Variants in DLG2 observed in about 807,000 individuals in gnomAD.
DLG2 encodes the protein disks large homolog 2.
In DLG2, 45 loss-of-function variants were observed where a neutral mutation model predicts 132.5. The ratio of observed to expected loss-of-function variants is 0.34; its 90% CI spans 0.27 to 0.44. The LOEUF is 0.44. Ranked by LOEUF, DLG2 falls within the 20% of genes least tolerant of loss-of-function variation. The pLI is 1.00. For synonymous variants in DLG2, 424 were observed against 419.6 expected (o/e 1.01, Z -0.13); for missense variants, 1,045 against 1,196.9 (o/e 0.87, Z 1.87).
Position 84,849,293 on chromosome 11 carries a change from T to C in DLG2, c.357+262368A>G, listed in dbSNP as rs139872717. 2.1e-4 allele frequency among the ~76,000 whole-genome samples: 32 copies of C among 152,306 alleles called. No homozygotes were observed. In the East Asian group the frequency reaches 6.0e-3, roughly 28 times the overall value. Reference sequence around the variant, plus strand: ...AATTATATTTTAGAGTAGTTTGCTATATACAACAATAAAACGTGAAACAGC... The same window carrying C: ...AATTATATTTTAGAGTAGTTTGCTACATACAACAATAAAACGTGAAACAGC... On this transcript the variant is annotated intron_variant, in intron 6 of 27. Coordinates refer to ENST00000376104, the MANE Select transcript of DLG2 (RefSeq NM_001142699.3).
chr11:84,329,249 T>G (rs2154400416), intron 7 of DLG2, among the ~76,000 whole-genome samples: 1 of 152,334 alleles, frequency 6.6e-6, no homozygotes, highest in South Asian at 2.1e-4. Flanking sequence ...CAGTAAATAC[T>G]TGAATTGAAC....
intron 7 of DLG2, among the ~76,000 whole-genome samples, chr11:84,422,579 A>C (rs1375199177): frequency 2.0e-5 from 3 of 152,192 alleles, no homozygotes; most frequent in Admixed American, 6.5e-5. Flanking sequence ...CATTACGCAC[A>C]TTCAATTTTC....
intron 6 of DLG2, among the ~76,000 whole-genome samples, chr11:85,014,905 G>C (rs550458053): frequency 6.6e-6 from 1 of 152,278 alleles, no homozygotes; most frequent in African/African-American, 2.4e-5. Context: ...CTACTGCCGA[G>C]TTATCCCGAG....
chr11:84,143,263 G>A (rs1398048646), intron 9 of DLG2, among the ~76,000 whole-genome samples: 2 of 152,070 alleles, frequency 1.3e-5, no homozygotes, highest in Non-Finnish European at 2.9e-5. Flanking sequence ...AGCTAACTCT[G>A]GGGATATTTG....
At chr11:84,335,751 A>G (rs899763961) in intron 7 of DLG2, among the ~76,000 whole-genome samples, 1 of 152,178 alleles carries the variant, frequency 6.6e-6, no homozygotes, top group Non-Finnish European at 1.5e-5. Context: ...TTCATCTGTG[A>G]TATGAGGATA....
intron 6 of DLG2, among the ~76,000 whole-genome samples, chr11:84,777,416 G>A (rs1274360346): frequency 1.3e-5 from 2 of 150,012 alleles, no homozygotes; most frequent in African/African-American, 4.9e-5. Flanking sequence ...ACGTAACAGT[G>A]TAGGTATCTT....
intron 6 of DLG2, among the ~76,000 whole-genome samples, chr11:84,987,456 G>A (rs565602311): frequency 6.6e-6 from 1 of 152,146 alleles, no homozygotes; most frequent in East Asian, 1.9e-4. Flanking sequence ...AGCCTGCATA[G>A]CCAAAGCAAG....
chr11:84,752,704 G>A (rs1397272955), intron 6 of DLG2, among the ~76,000 whole-genome samples: 10 of 135,272 alleles, frequency 7.4e-5, no homozygotes, highest in African/African-American at 2.7e-4. Flanking sequence ...ATCTCCCAAT[G>A]CTATCCCTCC....
intron 5 of DLG2, among the ~76,000 whole-genome samples, chr11:85,125,358 C>A (rs985839556): frequency 4.6e-5 from 7 of 152,032 alleles, no homozygotes; most frequent in South Asian, 2.1e-4. Context: ...GAGGGAAAAC[C>A]ATTTACTACA....
intron 3 of DLG2, among the ~76,000 whole-genome samples, chr11:85,495,632 C>T (rs925478590): frequency 1.3e-5 from 2 of 152,132 alleles, no homozygotes; most frequent in African/African-American, 2.4e-5. Flanking sequence ...CAGGAAACAA[C>T]AGATGCTGGT....
At chr11:84,062,319 T>C (rs560353862) in intron 10 of DLG2, among the ~76,000 whole-genome samples, 2 of 152,222 alleles carry the variant, frequency 1.3e-5, no homozygotes, top group South Asian at 4.1e-4. Flanking sequence ...CAGTATCCCA[T>C]AAAAGGAGAG....
chr11:85,552,962 C>A (rs2076747872), intron 3 of DLG2, among the ~76,000 whole-genome samples: 1 of 151,650 alleles, frequency 6.6e-6, no homozygotes. Context: ...CTGGATACAT[C>A]ATTGAGAAAC....
At chr11:85,122,960 T>TTATATATATATATATTATATATATATA (rs2074548684) in intron 5 of DLG2, among the ~76,000 whole-genome samples, 1 of 44,812 alleles carries the variant, frequency 2.2e-5, no homozygotes, top group Non-Finnish European at 4.0e-5. Context: ...TATATATATA[T>TTATATATATATATATTATATATATATA]ATATATATAT....
chr11:83,767,248 C>G (rs566395211), intron 18 of DLG2, among the ~76,000 whole-genome samples: 1 of 152,234 alleles, frequency 6.6e-6, no homozygotes, highest in East Asian at 1.9e-4. Context: ...ATTTTCCCCT[C>G]TACTTTTAAG....
chr11:85,076,126 G>A lies in DLG2; in HGVS notation c.357+35535C>T, dbSNP rs116469588. ...ATTTTTACCATGTGTCAGAAAGTAT[G>A]CTATTACAGCTAGAGATACACAGAT... On this transcript the variant is annotated intron_variant, in intron 6 of 27. Coordinates refer to ENST00000376104, the MANE Select transcript of DLG2 (RefSeq NM_001142699.3). 7.0e-4 allele frequency among the ~76,000 whole-genome samples: 107 copies of A among 152,016 alleles called. 1 individual carries two copies. The highest frequency in any genetic ancestry group is 2.3e-3 in the African/African-American group (95 of 41,522).
chr11:85,044,251 T>A (rs765812905), intron 6 of DLG2, among the ~76,000 whole-genome samples: 1 of 152,060 alleles, frequency 6.6e-6, no homozygotes, highest in Non-Finnish European at 1.5e-5. Flanking sequence ...TTATTTCTTA[T>A]CATATTATAT....
chr11:84,050,122 C>T (rs369590214), intron 11 of DLG2, among the ~76,000 whole-genome samples: 3 of 148,588 alleles, frequency 2.0e-5, no homozygotes, highest in African/African-American at 7.4e-5. Context: ...GCCTAAAATG[C>T]TACTTACTGG....
At chr11:84,124,936 T>G (rs1034017436) in intron 9 of DLG2, among the ~76,000 whole-genome samples, 57 of 151,512 alleles carry the variant, frequency 3.8e-4, no homozygotes, top group African/African-American at 1.3e-3. Flanking sequence ...CCGCAACATT[T>G]GCCTCCAGGG....
At chr11:85,057,409 A>G (rs1419804147) in intron 6 of DLG2, among the ~76,000 whole-genome samples, 1 of 151,644 alleles carries the variant, frequency 6.6e-6, no homozygotes, top group Non-Finnish European at 1.5e-5. Context: ...TATGCCAATT[A>G]AAGCTAAAAA....
Sources: allele counts gnomAD v4.1 joint callset (sites outside exome capture counted in the v4.1 genomes callset), GRCh38; gene constraint gnomAD v4.1.1; transcripts MANE v1.5; gene names NCBI Gene and HGNC (gene_info 2026-07-23, HGNC 2026-07-21).